The following MAGI1 variants were observed in gnomAD, a reference collection of about 807,000 sequenced individuals.
MAGI1 encodes the protein membrane associated guanylate kinase, WW and PDZ domain containing 1, also known as membrane-associated guanylate kinase, WW and PDZ domain-containing protein 1.
In MAGI1, 58 loss-of-function variants were observed where a neutral mutation model predicts 139.9. That is an observed-to-expected ratio of 0.41 (90% CI 0.34 to 0.52). MAGI1 has a LOEUF of 0.52. Among genes scored for constraint, MAGI1 ranks in the 20% least tolerant of loss-of-function variants. The pLI is 0.12. For missense variants in MAGI1, 1,874 were observed against 1,901.6 expected, an observed-to-expected ratio of 0.99 and a Z score of 0.27; for synonymous variants, 812 against 737.9, an observed-to-expected ratio of 1.10 and a Z score of -1.63.
chr3:65,559,310 T>A (rs1307157233), intron 2 of MAGI1, among the ~76,000 whole-genome samples: 2 of 152,214 alleles, frequency 1.3e-5, no homozygotes, highest in Non-Finnish European at 2.9e-5. Context: ...GTCTTTCTCA[T>A]CCTTCATGGG....
chr3:65,514,060 G>A (rs1183304415), intron 2 of MAGI1, among the ~76,000 whole-genome samples: 1 of 140,270 alleles, frequency 7.1e-6, no homozygotes, highest in Non-Finnish European at 1.6e-5. Context: ...AATGGGGAAA[G>A]GATTCCCTAT....
chr3:65,375,889 C>G lies in MAGI1; in HGVS notation c.3052G>C (p.Ala1018Pro). ...ACTTTCAGCTTGCCACAGCGGTCAG[C>G]AGGGCTCCCCTCAATAATCCGACCT... Reference protein sequence around the residue: ...KIGRIIEGSPADRCGKLKVGD... With the variant: ...KIGRIIEGSPPDRCGKLKVGD... Residue 1018 changes from alanine to proline, a missense_variant, in exon 18 of 23, where the codon GCT (alanine) becomes CCT (proline). By Grantham distance (27) the Ala-to-Pro change is conservative (BLOSUM62 -1). Coordinates refer to ENST00000402939, the MANE Select transcript of MAGI1 (RefSeq NM_001033057.2). The G allele has an allele frequency of 6.2e-7, 1 of 1,614,128 alleles. No homozygotes were observed. The highest frequency in any genetic ancestry group is 8.5e-7 in the Non-Finnish European group (1 of 1,180,018).
intron 1 of MAGI1, among the ~76,000 whole-genome samples, chr3:65,704,728 C>T (rs544918123): frequency 7.6e-4 from 115 of 151,850 alleles, no homozygotes; most frequent in Non-Finnish European, 1.5e-3. Flanking sequence ...TGCATGACGA[C>T]ATAAAAATTC....
intron 5 of MAGI1, among the ~76,000 whole-genome samples, chr3:65,467,552 A>G (rs577386797): frequency 6.6e-6 from 1 of 152,312 alleles, no homozygotes; most frequent in South Asian, 2.1e-4. Context: ...TTTCTACTAA[A>G]CCTTAGGTAA....
intron 4 of MAGI1, among the ~76,000 whole-genome samples, chr3:65,471,125 T>C (rs535917888): frequency 1.3e-5 from 2 of 152,158 alleles, no homozygotes; most frequent in African/African-American, 2.4e-5. Flanking sequence ...AAACCAAGAG[T>C]TACCCCCAGA....
chr3:65,996,566 C>T (rs1029445030), intron 1 of MAGI1, among the ~76,000 whole-genome samples: 2 of 151,440 alleles, frequency 1.3e-5, no homozygotes, highest in Admixed American at 1.3e-4. Flanking sequence ...AGCGAGCCCC[C>T]ACTTAAAGTT....
intron 1 of MAGI1, among the ~76,000 whole-genome samples, chr3:65,983,169 TAGAGGA>T (rs1204119073): frequency 6.6e-6 from 1 of 152,156 alleles, no homozygotes; most frequent in African/African-American, 2.4e-5. Flanking sequence ...TTTCTCAGAA[TAGAGGA>T]AAAGTTCAAG....
intron 1 of MAGI1, among the ~76,000 whole-genome samples, chr3:65,875,413 T>C (rs1319255731): frequency 2.0e-5 from 3 of 152,220 alleles, no homozygotes; most frequent in Non-Finnish European, 4.4e-5. Flanking sequence ...AGCTGTTATG[T>C]ATTTCAGAAA....
chr3:65,447,921 CA>C, intron 7 of MAGI1, 100 bp downstream of exon 7: 2 of 1,327,250 alleles, frequency 1.5e-6, no homozygotes, highest in Non-Finnish European at 2.2e-6. Flanking sequence ...TGGAGGAGTG[CA>C]AACTAAAGAA....
intron 1 of MAGI1, among the ~76,000 whole-genome samples, chr3:66,034,312 G>C (rs147235041): frequency 1.3e-5 from 2 of 152,184 alleles, no homozygotes; most frequent in South Asian, 2.1e-4. Context: ...GGGAGCACAG[G>C]CTTTGGAATC....
intron 1 of MAGI1, among the ~76,000 whole-genome samples, chr3:65,995,552 AAG>A (rs2066401032): frequency 6.6e-6 from 1 of 152,044 alleles, no homozygotes; most frequent in Non-Finnish European, 1.5e-5. Flanking sequence ...TTTTTTGAGA[AAG>A]AGATCAGATC....
At chr3:65,890,237 C>A (rs1000670185) in intron 1 of MAGI1, among the ~76,000 whole-genome samples, 1 of 152,056 alleles carries the variant, frequency 6.6e-6, no homozygotes, top group Non-Finnish European at 1.5e-5. Context: ...TGGTGGCGGG[C>A]GCCTGCAGTC....
chr3:65,566,205 G>C (rs1433182590), intron 2 of MAGI1, among the ~76,000 whole-genome samples: 1 of 151,902 alleles, frequency 6.6e-6, no homozygotes, highest in Non-Finnish European at 1.5e-5. Flanking sequence ...AGTGAGCTGA[G>C]ACTGCACCAC....
intron 10 of MAGI1, among the ~76,000 whole-genome samples, chr3:65,433,848 G>A (rs2107365410): frequency 6.6e-6 from 1 of 152,154 alleles, no homozygotes; most frequent in Non-Finnish European, 1.5e-5. Context: ...CCCTAGACCA[G>A]TACCGTCTAA....
rs1197619088 is a variant in MAGI1 at position 65,356,368 on chromosome 3, A to T, written c.*10T>A. 2 of 1,563,142 alleles carry T rather than the reference A, an allele frequency of 1.3e-6. No individual in the cohort carries two copies. The highest frequency in any genetic ancestry group is 2.7e-5 in the African/African-American group (2 of 72,860). On this transcript the variant is annotated 3_prime_UTR_variant, in exon 23 of 23. Transcript: ENST00000402939. ...TTGACACGGTAAAGGTTGGAATGTG[A>T]CTCAGCGTCTCAGATACTGAGGTCG...
intron 2 of MAGI1, among the ~76,000 whole-genome samples, chr3:65,609,330 T>C (rs1399241504): frequency 6.6e-6 from 1 of 151,748 alleles, no homozygotes; most frequent in Non-Finnish European, 1.5e-5. Flanking sequence ...CACGCTGGAA[T>C]GCAGTGGCCT....
At chr3:65,989,888 T>A (rs1208360314) in intron 1 of MAGI1, among the ~76,000 whole-genome samples, 2 of 152,206 alleles carry the variant, frequency 1.3e-5, no homozygotes, top group Non-Finnish European at 2.9e-5. Flanking sequence ...TTTTACTGAA[T>A]ATTTGGGGAA....
intron 2 of MAGI1, among the ~76,000 whole-genome samples, chr3:65,509,644 G>C (rs1396780283): frequency 2.0e-5 from 3 of 152,194 alleles, no homozygotes; most frequent in African/African-American, 7.2e-5. Context: ...ACCTGGCTCA[G>C]AGGGTCCTAC....
chr3:65,385,313 T>G (rs1300924996), intron 14 of MAGI1, among the ~76,000 whole-genome samples: 3 of 152,218 alleles, frequency 2.0e-5, no homozygotes, highest in African/African-American at 7.2e-5. Flanking sequence ...TAGGGTGTTT[T>G]ATGACCTATA....
Sources: gnomAD v4.1 joint callset for allele counts (sites outside exome capture counted in the v4.1 genomes callset) on GRCh38, gnomAD v4.1.1 for gene constraint, MANE v1.5 for transcripts, NCBI Gene and HGNC (gene_info 2026-07-23, HGNC 2026-07-21) for gene names.